The following PDCD1LG2 variants were observed in gnomAD, a reference collection of about 807,000 sequenced individuals.
PDCD1LG2 encodes the protein B7 dendritic cell molecule.
Under a neutral mutation model 28.2 loss-of-function variants are expected in PDCD1LG2, and 32 were observed. The observed-to-expected ratio is 1.13, with a 90% CI of 0.86 to 1.52. The LOEUF is 1.52. Among genes scored for constraint, PDCD1LG2 ranks in the 40% most tolerant of loss-of-function variants. The pLI is 0.00. For synonymous variants in PDCD1LG2, 116 were observed against 120.2 expected (o/e 0.97, Z 0.23); for missense variants, 385 against 323.8 (o/e 1.19, Z -1.45).
At chr9:5,519,628 G>A (rs143937908) in intron 1 of PDCD1LG2, among the ~76,000 whole-genome samples, 57 of 152,254 alleles carry the variant, frequency 3.7e-4, no homozygotes, top group African/African-American at 1.3e-3. Flanking sequence ...AGATATCCAT[G>A]ACTTTAAATC....
chr9:5,555,997 T>A (rs1004252074), intron 4 of PDCD1LG2, among the ~76,000 whole-genome samples: 1 of 152,194 alleles, frequency 6.6e-6, no homozygotes, highest in Admixed American at 6.5e-5. Context: ...AAAGAGACAG[T>A]CAATTCAGTG....
Position 5,522,429 on chromosome 9 carries a change from C to T in PDCD1LG2, c.-14-104C>T, listed in dbSNP as rs1006972735. ...GCTCCACTCTACCATGGTCTGTCAC[C>T]TTCCCCAAATGATTTGTTATTCCCC... On this transcript the variant is annotated intron_variant, in intron 1 of 6. Transcript: ENST00000397747. 6 of 837,824 alleles carry T rather than the reference C, an allele frequency of 7.2e-6. No homozygotes were observed. The African/African-American group carries it at 1.0e-4, about 14-fold the overall frequency. The allele number at this position is 837,824 out of a possible 1,614,324, so 51.9% of individuals were successfully genotyped here. A position where few individuals can be genotyped will look rare whatever the true frequency, so the allele number is the denominator to read the frequency against.
At chr9:5,525,447 G>A (rs1399551702) in intron 2 of PDCD1LG2, among the ~76,000 whole-genome samples, 2 of 151,434 alleles carry the variant, frequency 1.3e-5, no homozygotes, top group Admixed American at 6.6e-5. Flanking sequence ...TCCAGGAGTA[G>A]GTCTAGAAGA....
chr9:5,536,579 T>G (rs1351979078), intron 3 of PDCD1LG2, among the ~76,000 whole-genome samples: 1 of 152,244 alleles, frequency 6.6e-6, no homozygotes, highest in Non-Finnish European at 1.5e-5. Flanking sequence ...TCACCACCTC[T>G]GTTTTTATTG....
intron 1 of PDCD1LG2, among the ~76,000 whole-genome samples, chr9:5,515,850 G>T (rs1379762325): frequency 6.9e-6 from 1 of 145,918 alleles, no homozygotes; most frequent in African/African-American, 2.5e-5. Flanking sequence ...TTGAACCCGG[G>T]AGGCGGAGGA....
intron 3 of PDCD1LG2, among the ~76,000 whole-genome samples, chr9:5,546,170 C>G (rs750948398): frequency 1.3e-5 from 2 of 152,124 alleles, no homozygotes; most frequent in African/African-American, 4.8e-5. Flanking sequence ...CCTCATGTAT[C>G]CCAAGTCAAA....
chr9:5,547,050 G>A (rs1320987304), intron 3 of PDCD1LG2, among the ~76,000 whole-genome samples: 2 of 152,160 alleles, frequency 1.3e-5, no homozygotes, highest in African/African-American at 4.8e-5. Flanking sequence ...GAACAGAGGG[G>A]CAAAAATTGT....
rs2129877775 is a variant in PDCD1LG2 at position 5,549,546 on chromosome 9, C to A, written c.573C>A (p.Ser191Arg). The A allele has an allele frequency of 6.2e-7, 1 of 1,614,250 alleles. No individual in the cohort carries two copies. ...AGCCACCCCCTGGCAGAAACTTCAG[C>A]TGTGTGTTCTGGAATACTCACGTGA... is the stretch of plus-strand genomic sequence containing the variant. ...RLKPPPGRNFSCVFWNTHVRE... is the reference protein window; with the variant it reads ...RLKPPPGRNFRCVFWNTHVRE... Residue 191 changes from serine to arginine, a missense_variant, in exon 4 of 7, where the codon AGC (serine) becomes AGA (arginine). Transcript: ENST00000397747.
rs141324181 is a variant in PDCD1LG2, at chr9:5,535,568, A to T, written c.361+518A>T. 6.6e-5 allele frequency among the ~76,000 whole-genome samples: 10 copies of T among 152,234 alleles called. No individual in the cohort carries two copies. In the East Asian group the frequency reaches 1.4e-3, roughly 21 times the overall value. ...AGATCAGACGACATCACAGAGTAGG[A>T]CTGAGTACTGTAAAACTAATTTCTG... On this transcript the variant is annotated intron_variant, in intron 3 of 6. Transcript: ENST00000397747.
intron 2 of PDCD1LG2, among the ~76,000 whole-genome samples, chr9:5,534,453 C>T (rs1820540508): frequency 6.6e-6 from 1 of 152,170 alleles, no homozygotes; most frequent in African/African-American, 2.4e-5. Context: ...TGAGAGCAAG[C>T]AGTGCTGTCC....
intron 4 of PDCD1LG2, among the ~76,000 whole-genome samples, chr9:5,557,114 C>G (rs777693997): frequency 6.6e-6 from 1 of 152,142 alleles, no homozygotes; most frequent in East Asian, 1.9e-4. Context: ...GGTATAGATT[C>G]TAAGCACTGT....
Position 5,570,772 on chromosome 9 carries a change from A to G in PDCD1LG2, c.*813A>G. Reference sequence around the variant, plus strand: ...CATACGTTGTATCTGCAGCAATTTCAGATAAGTAGCTAAAATGGCCAAAGC... The same window carrying G: ...CATACGTTGTATCTGCAGCAATTTCGGATAAGTAGCTAAAATGGCCAAAGC... On this transcript the variant is annotated 3_prime_UTR_variant, in exon 7 of 7. Coordinates refer to ENST00000397747, the MANE Select transcript of PDCD1LG2 (RefSeq NM_025239.4). 1 of 232,590 alleles carries G rather than the reference A, an allele frequency of 4.3e-6. No individual in the cohort carries two copies. Among genetic ancestry groups the G allele is most frequent in the Non-Finnish European group, 8.5e-6 (1 of 117,630 alleles). The allele number at this position is 232,590 out of a possible 1,614,324, so 14.4% of individuals were successfully genotyped here. A position where few individuals can be genotyped will look rare whatever the true frequency, so the allele number is the denominator to read the frequency against.
chr9:5,532,267 A>G (rs1011149476), intron 2 of PDCD1LG2, among the ~76,000 whole-genome samples: 50 of 152,194 alleles, frequency 3.3e-4, no homozygotes, highest in African/African-American at 1.2e-3. Context: ...GGCACACGTG[A>G]ACTCCTCTCT....
chr9:5,515,800 G>A (rs1294470737), intron 1 of PDCD1LG2, among the ~76,000 whole-genome samples: 4 of 151,564 alleles, frequency 2.6e-5, no homozygotes, highest in African/African-American at 7.3e-5. Context: ...GTGCACGCCT[G>A]TTGTCCCAGT....
intron 2 of PDCD1LG2, among the ~76,000 whole-genome samples, chr9:5,526,234 A>C (rs570742261): frequency 6.6e-6 from 1 of 152,158 alleles, no homozygotes; most frequent in Non-Finnish European, 1.5e-5. Flanking sequence ...TCTGTTGTAA[A>C]ATATATCACA....
intron 1 of PDCD1LG2, among the ~76,000 whole-genome samples, chr9:5,522,321 T>C (rs969222639): frequency 1.3e-5 from 2 of 152,210 alleles, no homozygotes; most frequent in Non-Finnish European, 2.9e-5. Context: ...GAACTTCTCA[T>C]TTGGATTTAT....
chr9:5,512,204 G>C (rs144915738), intron 1 of PDCD1LG2, among the ~76,000 whole-genome samples: 4 of 152,106 alleles, frequency 2.6e-5, no homozygotes, highest in Non-Finnish European at 4.4e-5. Context: ...TGTTGCATAC[G>C]TGGGTTACTC....
intron 1 of PDCD1LG2, among the ~76,000 whole-genome samples, chr9:5,512,148 A>G (rs1342506182): frequency 1.3e-5 from 2 of 152,200 alleles, no homozygotes; most frequent in African/African-American, 4.8e-5. Flanking sequence ...GTTGTGTGTC[A>G]TTTTAATTCC....
intron 2 of PDCD1LG2, among the ~76,000 whole-genome samples, chr9:5,528,743 T>C (rs1563823670): frequency 6.6e-6 from 1 of 152,252 alleles, no homozygotes; most frequent in Admixed American, 6.5e-5. Context: ...TTAAAAATTC[T>C]CTATTTTTTT....
Sources: allele counts gnomAD v4.1 joint callset (sites outside exome capture counted in the v4.1 genomes callset), GRCh38; gene constraint gnomAD v4.1.1; transcripts MANE v1.5; gene names NCBI Gene and HGNC (gene_info 2026-07-23, HGNC 2026-07-21).